Variants in STIM1 observed in about 807,000 individuals in gnomAD.
The protein encoded by STIM1 is stromal interaction molecule 1.
Under a neutral mutation model 74.7 loss-of-function variants are expected in STIM1, and 25 were observed. That is an observed-to-expected ratio of 0.33 (90% confidence interval 0.24 to 0.47). The LOEUF (loss-of-function observed/expected upper bound fraction) is 0.47. STIM1 is among the 20% of genes least tolerant of loss of function. STIM1 has a pLI of 1.00. For synonymous variants in STIM1, 328 were observed against 348.8 expected (o/e 0.94, Z 0.66); for missense variants, 728 against 920.8 (o/e 0.79, Z 2.71).
At chr11:3,989,169 G>T in intron 2 of STIM1, 1 of 1,143,692 alleles carries the variant, frequency 8.7e-7, no homozygotes, top group Non-Finnish European at 1.3e-6. Flanking sequence ...ATTCAGACTT[G>T]GCTTCCTTCT....
chr11:4,044,334 T>C (rs2094173449), intron 3 of STIM1, among the ~76,000 whole-genome samples: 2 of 152,236 alleles, frequency 1.3e-5, no homozygotes, highest in African/African-American at 4.8e-5. Flanking sequence ...CACAGCTCTC[T>C]GTACTTGCTG....
chr11:4,048,388 G>T (rs1455409145), intron 3 of STIM1, among the ~76,000 whole-genome samples: 2 of 152,136 alleles, frequency 1.3e-5, no homozygotes, highest in Non-Finnish European at 2.9e-5. Flanking sequence ...GTATATAAGT[G>T]TAAACAAAAA....
rs142617907 is a variant in STIM1, at chr11:4,009,772, T to A, written c.271-14101T>A. ...ATTAAATTGTTAGTCCTTAAGCCAC[T>A]CCTGTATAAAATTCTAAAGTCATTG... On this transcript the variant is annotated intron_variant, in intron 2 of 12. Coordinates refer to ENST00000526596, the MANE Select transcript of STIM1 (RefSeq NM_001382567.1). Among the ~76,000 whole-genome samples the A allele has an allele frequency of 1.2e-3, 184 of 152,244 alleles. 5 individuals carry two copies. The East Asian group carries it at 0.024, about 20-fold the overall frequency.
chr11:3,979,799 T>C (rs2093483851), intron 2 of STIM1, among the ~76,000 whole-genome samples: 1 of 152,228 alleles, frequency 6.6e-6, no homozygotes, highest in Non-Finnish European at 1.5e-5. Flanking sequence ...CAATCTTCTT[T>C]GTCTTATAAA....
At chr11:3,855,591 G>A (rs1208007516), upstream of STIM1, 3 of 72,594 alleles carry the variant, frequency 4.1e-5, no homozygotes, top group African/African-American at 1.1e-4. Flanking sequence ...TGGGGACCGG[G>A]CGGCGCGGGG....
At chr11:3,858,660 C>T (rs1005388236) in intron 1 of STIM1, among the ~76,000 whole-genome samples, 1 of 152,202 alleles carries the variant, frequency 6.6e-6, no homozygotes, top group Non-Finnish European at 1.5e-5. Context: ...GGAACTCTTG[C>T]ATCCTTTCCA....
In STIM1 at chr11:4,084,655, C is replaced by G. The variant is rs1344222650; in HGVS notation, c.1475-18C>G. The G allele has an allele frequency of 6.2e-6, 8 of 1,288,988 alleles. No homozygotes were observed. The highest frequency in any genetic ancestry group is 6.1e-6 in the Non-Finnish European group (6 of 988,518). The allele number at this position is 1,288,988 out of a possible 1,614,324, so 79.8% of individuals were successfully genotyped here. A position where few individuals can be genotyped will look rare whatever the true frequency, so the allele number is the denominator to read the frequency against. On this transcript the variant is annotated intron_variant, in intron 10 of 12. Transcript: ENST00000526596. ...AAATCAGATTCTCTTCTCCTTTTGGCCTGGCTGTTGACCCTAGATGCTGCC... is the reference window on the plus strand; with the variant it reads ...AAATCAGATTCTCTTCTCCTTTTGGGCTGGCTGTTGACCCTAGATGCTGCC...
intron 2 of STIM1, among the ~76,000 whole-genome samples, chr11:3,982,805 A>G (rs1024056479): frequency 4.7e-4 from 71 of 152,336 alleles, no homozygotes; most frequent in East Asian, 3.9e-4. Flanking sequence ...GTTTTTTAAA[A>G]AAGTGTCACC....
chr11:3,881,824 T>G (rs927847423), intron 1 of STIM1, among the ~76,000 whole-genome samples: 3 of 151,946 alleles, frequency 2.0e-5, no homozygotes, highest in African/African-American at 7.3e-5. Context: ...AGGCATGTAC[T>G]ACCACACCTG....
At chr11:3,930,964 A>T (rs1387958620) in intron 1 of STIM1, among the ~76,000 whole-genome samples, 2 of 152,208 alleles carry the variant, frequency 1.3e-5, no homozygotes, top group African/African-American at 4.8e-5. Context: ...AGGCCCTGCT[A>T]ATCAGAATAA....
At chr11:3,927,507 C>T (rs1427959171) in intron 1 of STIM1, among the ~76,000 whole-genome samples, 1 of 152,162 alleles carries the variant, frequency 6.6e-6, no homozygotes, top group Non-Finnish European at 1.5e-5. Context: ...CCTAAAATGC[C>T]AGCTACTTAC....
intron 1 of STIM1, among the ~76,000 whole-genome samples, chr11:3,879,524 G>A (rs1353174564): frequency 2.0e-5 from 3 of 152,286 alleles, no homozygotes; most frequent in Middle Eastern, 6.8e-3. Context: ...TTTGTGCTCT[G>A]CACTTTACAA....
At chr11:4,020,214 G>A (rs147121034) in intron 2 of STIM1, among the ~76,000 whole-genome samples, 330 of 152,254 alleles carry the variant, frequency 2.2e-3, no homozygotes, top group Middle Eastern at 0.017. Flanking sequence ...GGGCCCTGAG[G>A]TTGATTCTAT....
At chr11:4,020,048 T>C (rs1198199981) in intron 2 of STIM1, among the ~76,000 whole-genome samples, 2 of 152,226 alleles carry the variant, frequency 1.3e-5, no homozygotes, top group African/African-American at 4.8e-5. Flanking sequence ...ATGTGGTATT[T>C]ATTTTTTGTG....
chr11:3,926,752 GAATTTAACCT>G (rs2092794021), intron 1 of STIM1, among the ~76,000 whole-genome samples: 1 of 152,162 alleles, frequency 6.6e-6, no homozygotes, highest in African/African-American at 2.4e-5. Context: ...ATTAAATCAA[GAATTTAACCT>G]TAGGATGGAG....
At chr11:4,004,771 A>C (rs1288150204) in intron 2 of STIM1, among the ~76,000 whole-genome samples, 2 of 152,132 alleles carry the variant, frequency 1.3e-5, no homozygotes, top group Non-Finnish European at 2.9e-5. Flanking sequence ...CTGCACAGCA[A>C]AAGAAACTAC....
chr11:3,985,719 A>C (rs144543685), intron 2 of STIM1, among the ~76,000 whole-genome samples: 239 of 152,234 alleles, frequency 1.6e-3, no homozygotes, highest in African/African-American at 5.3e-3. Context: ...GAAATTAAAA[A>C]CTTCTGACTC....
intron 1 of STIM1, among the ~76,000 whole-genome samples, chr11:3,904,988 T>G: frequency 6.6e-6 from 1 of 151,194 alleles, no homozygotes; most frequent in African/African-American, 2.4e-5. Flanking sequence ...AGAAAGGGGG[T>G]TAAGGATAGA....
At chr11:3,913,935 C>T (rs958418371) in intron 1 of STIM1, among the ~76,000 whole-genome samples, 11 of 152,028 alleles carry the variant, frequency 7.2e-5, no homozygotes, top group Non-Finnish European at 1.0e-4. Flanking sequence ...TGTAACGTGT[C>T]GGTACTTTCT....
Sources: gnomAD v4.1 joint callset for allele counts (sites outside exome capture counted in the v4.1 genomes callset) on GRCh38, gnomAD v4.1.1 for gene constraint, MANE v1.5 for transcripts, NCBI Gene and HGNC (gene_info 2026-07-23, HGNC 2026-07-21) for gene names.